Variants in FTO observed in about 807,000 individuals in gnomAD.
FTO encodes the protein alpha-ketoglutarate-dependent dioxygenase FTO.
Under a neutral mutation model 63.9 loss-of-function variants are expected in FTO, and 47 were observed. That is an observed-to-expected ratio of 0.74 (90% CI 0.58 to 0.94). The LOEUF is 0.94. Among genes scored for constraint, FTO ranks in the 40% least tolerant of loss-of-function variants. The pLI, the probability that FTO is intolerant of heterozygous loss-of-function variation, is 0.00. For missense variants in FTO, 562 were observed against 618.1 expected, an observed-to-expected ratio of 0.91 and a Z score of 0.96; for synonymous variants, 207 against 224.4, an observed-to-expected ratio of 0.92 and a Z score of 0.69.
At chr16:53,821,353 G>A (rs1661006260) in intron 2 of FTO, among the ~76,000 whole-genome samples, 1 of 152,184 alleles carries the variant, frequency 6.6e-6, no homozygotes, top group South Asian at 2.1e-4. Flanking sequence ...ATTGCTTTGA[G>A]TATACTGGGG....
At chr16:53,730,168 A>G (rs577511820) in intron 1 of FTO, among the ~76,000 whole-genome samples, 52 of 152,286 alleles carry the variant, frequency 3.4e-4, no homozygotes, top group African/African-American at 1.1e-3. Flanking sequence ...TTCTTTCCTT[A>G]GGCCTAATTT....
At chr16:53,714,211 A>C (rs935292848) in intron 1 of FTO, among the ~76,000 whole-genome samples, 4 of 152,184 alleles carry the variant, frequency 2.6e-5, no homozygotes, top group African/African-American at 9.7e-5. Flanking sequence ...GTTTGTGATC[A>C]GAAAATTCAG....
intron 1 of FTO, among the ~76,000 whole-genome samples, chr16:53,715,026 A>T (rs2075861563): frequency 6.6e-6 from 1 of 152,202 alleles, no homozygotes; most frequent in African/African-American, 2.4e-5. Flanking sequence ...TGATCAGACC[A>T]TCAAGATACT....
chr16:53,905,918 C>T (rs1480292278), intron 7 of FTO, among the ~76,000 whole-genome samples: 1 of 152,138 alleles, frequency 6.6e-6, no homozygotes, highest in African/African-American at 2.4e-5. Context: ...CCTTGCTCTT[C>T]CTTCTTTTTG....
intron 6 of FTO, among the ~76,000 whole-genome samples, chr16:53,880,677 C>G (rs935107734): frequency 1.8e-4 from 27 of 152,140 alleles, no homozygotes; most frequent in Admixed American, 7.2e-4. Context: ...AAGGGCCAGG[C>G]AAGCTCCCTG....
intron 8 of FTO, among the ~76,000 whole-genome samples, chr16:54,064,223 A>G (rs893783193): frequency 6.6e-6 from 1 of 152,176 alleles, no homozygotes; most frequent in Non-Finnish European, 1.5e-5. Context: ...TGAGTGCTAT[A>G]TATTTAAACA....
intron 1 of FTO, among the ~76,000 whole-genome samples, chr16:53,738,086 C>T (rs916543351): frequency 3.6e-5 from 5 of 139,818 alleles, no homozygotes; most frequent in African/African-American, 5.5e-5. Context: ...AGTGCAATGG[C>T]GTGATCTCAG....
At chr16:54,098,303 T>C (rs1438180875) in intron 8 of FTO, among the ~76,000 whole-genome samples, 1 of 152,182 alleles carries the variant, frequency 6.6e-6, no homozygotes, top group Non-Finnish European at 1.5e-5. Context: ...AAGTGACCTG[T>C]TAGTGAATGT....
intron 1 of FTO, among the ~76,000 whole-genome samples, chr16:53,757,621 A>G (rs1023254811): frequency 6.6e-6 from 1 of 152,102 alleles, no homozygotes; most frequent in Non-Finnish European, 1.5e-5. Flanking sequence ...TTATCTAAGA[A>G]AAGAGCCACT....
At chr16:53,709,242 G>A (rs1263385578) in intron 1 of FTO, among the ~76,000 whole-genome samples, 1 of 152,154 alleles carries the variant, frequency 6.6e-6, no homozygotes, top group Non-Finnish European at 1.5e-5. Flanking sequence ...TAAGAAGGTT[G>A]GACCACATAG....
intron 1 of FTO, among the ~76,000 whole-genome samples, chr16:53,734,984 G>A (rs1476858174): frequency 6.6e-6 from 1 of 152,206 alleles, no homozygotes; most frequent in Non-Finnish European, 1.5e-5. Context: ...CTGGCAAAAG[G>A]GAATGCGATT....
At chr16:54,080,276 T>C (rs1231963577) in intron 8 of FTO, among the ~76,000 whole-genome samples, 1 of 152,170 alleles carries the variant, frequency 6.6e-6, no homozygotes, top group Non-Finnish European at 1.5e-5. Flanking sequence ...AGTAACAGAA[T>C]GGCTATCACA....
At chr16:53,877,777 A>G (rs996064597) in intron 5 of FTO, among the ~76,000 whole-genome samples, 5 of 151,736 alleles carry the variant, frequency 3.3e-5, no homozygotes, top group Non-Finnish European at 7.4e-5. Context: ...TAGATTATTT[A>G]CATAAAACAA....
chr16:54,083,406 C>T (rs1405007655), intron 8 of FTO, among the ~76,000 whole-genome samples: 2 of 152,066 alleles, frequency 1.3e-5, no homozygotes, highest in Non-Finnish European at 2.9e-5. Context: ...TCTTTAAAGC[C>T]GAAAGCTTCA....
intron 8 of FTO, among the ~76,000 whole-genome samples, chr16:54,004,223 C>T (rs759397728): frequency 6.6e-6 from 1 of 151,780 alleles, no homozygotes; most frequent in Non-Finnish European, 1.5e-5. Context: ...GGGAAAAGAC[C>T]GTATTATGAA....
chr16:53,780,608 G>A (rs928980925), intron 1 of FTO, among the ~76,000 whole-genome samples: 3 of 151,998 alleles, frequency 2.0e-5, no homozygotes, highest in Non-Finnish European at 4.4e-5. Flanking sequence ...GACCTCAGGT[G>A]ATTCACCCAC....
At chr16:53,941,956 CT>C (rs1567458852) in intron 8 of FTO, among the ~76,000 whole-genome samples, 1 of 152,254 alleles carries the variant, frequency 6.6e-6, no homozygotes, top group Non-Finnish European at 1.5e-5. Context: ...CCACATATCC[CT>C]GGCATCTAGA....
chr16:54,118,101 C>T lies in FTO; in HGVS notation c.*6186C>T, dbSNP rs2086984253. 6.6e-6 allele frequency: 1 copy of T among 152,190 alleles called. No homozygotes were observed. The highest frequency in any genetic ancestry group is 2.4e-5 in the African/African-American group (1 of 41,448). 9.4% of individuals were successfully genotyped at this position (152,190 alleles called of 1,614,324 possible). ...TACAAAAGCCACTGACTAAACATGGCACCAATACAAATGAAGCACTTCTAG... is the reference window on the plus strand; with the variant it reads ...TACAAAAGCCACTGACTAAACATGGTACCAATACAAATGAAGCACTTCTAG... On this transcript the variant is annotated 3_prime_UTR_variant, in exon 9 of 9. Transcript: ENST00000471389.
intron 8 of FTO, among the ~76,000 whole-genome samples, chr16:53,980,942 G>A (rs1234436463): frequency 6.6e-6 from 1 of 152,148 alleles, no homozygotes; most frequent in African/African-American, 2.4e-5. Context: ...TTATACACAA[G>A]TATAAACAGA....
Sources: allele counts gnomAD v4.1 joint callset (sites outside exome capture counted in the v4.1 genomes callset), GRCh38; gene constraint gnomAD v4.1.1; transcripts MANE v1.5; gene names NCBI Gene and HGNC (gene_info 2026-07-23, HGNC 2026-07-21).